Variants in ANK2 observed in about 807,000 individuals in gnomAD.
The protein encoded by ANK2 is ankyrin 2.
A neutral mutation model predicts 360.5 loss-of-function variants in ANK2; 83 were observed. The ratio of observed to expected loss-of-function variants is 0.23; its 90% confidence interval spans 0.19 to 0.28. The LOEUF is 0.28. Ranked by LOEUF, ANK2 falls within the 10% of genes least tolerant of loss-of-function variation. The probability of loss-of-function intolerance (pLI) is 1.00; values close to 1 mark genes in which losing one functional copy is unlikely to be tolerated. For missense variants in ANK2, 4,201 were observed against 4,795.7 expected, an observed-to-expected ratio of 0.88 and a Z score of 3.66; for synonymous variants, 1,740 against 1,759.5, an observed-to-expected ratio of 0.99 and a Z score of 0.28.
At chr4:112,720,062 G>A in the ANK2 span, among the ~76,000 whole-genome samples, 2 of 152,088 alleles carry the variant, frequency 1.3e-5, no homozygotes, top group Admixed American at 1.3e-4. Context: ...TCCTACCAGC[G>A]TTCTTTATCA....
chr4:113,263,824 T>A (rs554221145), intron 13 of ANK2, among the ~76,000 whole-genome samples: 2 of 152,374 alleles, frequency 1.3e-5, no homozygotes, highest in South Asian at 4.1e-4. Context: ...CTTGAGTGAA[T>A]GAAACCCTGC....
chr4:113,374,994 C>A, intron 45 of ANK2: 1 of 993,900 alleles, frequency 1.0e-6, no homozygotes, highest in Non-Finnish European at 1.2e-6. Context: ...TTTTATGTTG[C>A]TTTGCATTTG....
intron 23 of ANK2, 58 bp downstream of exon 23, chr4:113,302,897 T>C: frequency 2.1e-6 from 3 of 1,459,744 alleles, no homozygotes; most frequent in South Asian, 2.3e-5. Context: ...AAGGGCAAAT[T>C]ACCCTTTTTT....
intron 7 of ANK2, among the ~76,000 whole-genome samples, chr4:113,239,350 C>T (rs1262221841): frequency 6.6e-6 from 1 of 151,910 alleles, no homozygotes; most frequent in Admixed American, 6.6e-5. Flanking sequence ...TAAAACAAAG[C>T]CACCAAAGCC....
the ANK2 span, among the ~76,000 whole-genome samples, chr4:112,732,942 G>C: frequency 6.6e-6 from 1 of 151,980 alleles, no homozygotes; most frequent in Non-Finnish European, 1.5e-5. Context: ...AAAGGGGCCA[G>C]GCACGGTGGC....
At chr4:113,059,197 A>G (rs2071796022) in intron 1 of ANK2, among the ~76,000 whole-genome samples, 1 of 152,172 alleles carries the variant, frequency 6.6e-6, no homozygotes, top group Non-Finnish European at 1.5e-5. Context: ...GAAGACACAA[A>G]CATTCAGATT....
At chr4:113,161,628 G>T (rs942705404) in intron 1 of ANK2, among the ~76,000 whole-genome samples, 1 of 151,860 alleles carries the variant, frequency 6.6e-6, no homozygotes, top group Non-Finnish European at 1.5e-5. Flanking sequence ...ATAAGAAAAT[G>T]TCAGCTGCAT....
intron 4 of ANK2, chr4:113,213,899 A>C (rs1189279420): frequency 1.8e-6 from 1 of 563,656 alleles, no homozygotes; most frequent in Admixed American, 3.1e-5. Context: ...CAATGAAAAG[A>C]GAAAGAGAAC....
intron 1 of ANK2, among the ~76,000 whole-genome samples, chr4:112,879,422 G>A (rs1236849101): frequency 6.6e-6 from 1 of 152,136 alleles, no homozygotes; most frequent in East Asian, 1.9e-4. Flanking sequence ...CAGCCCATGT[G>A]AGTGGCCCAT....
intron 26 of ANK2, 144 bp downstream of exon 26, chr4:113,318,764 A>G (rs1563720882): frequency 1.4e-6 from 1 of 711,042 alleles, no homozygotes; most frequent in Non-Finnish European, 2.5e-6. Flanking sequence ...ACATTGCTTT[A>G]TCCAACATGG....
intron 9 of ANK2, among the ~76,000 whole-genome samples, chr4:113,247,931 C>A (rs1009588735): frequency 6.6e-6 from 1 of 152,168 alleles, no homozygotes; most frequent in Non-Finnish European, 1.5e-5. Flanking sequence ...CCACAGGGTG[C>A]TTTTATCAGG....
intron 1 of ANK2, among the ~76,000 whole-genome samples, chr4:113,147,950 G>A (rs1351997): frequency 0.69 from 104,343 of 151,994 alleles, 36,443 homozygotes; most frequent in African/African-American, 0.81. Context: ...GGAAAACTGC[G>A]TCATCTCATT....
chr4:113,116,353 G>A (rs1321290762), intron 1 of ANK2, among the ~76,000 whole-genome samples: 2 of 151,900 alleles, frequency 1.3e-5, no homozygotes, highest in African/African-American at 4.8e-5. Flanking sequence ...TGAGCTCCCC[G>A]CTCTTTCTCC....
the ANK2 span, among the ~76,000 whole-genome samples, chr4:112,785,773 A>G: frequency 3.3e-5 from 5 of 151,882 alleles, no homozygotes; most frequent in Non-Finnish European, 7.4e-5. Flanking sequence ...AGCTCCAGCA[A>G]TCCTCCTGTC....
intron 2 of ANK2, among the ~76,000 whole-genome samples, chr4:113,041,242 C>T (rs527887172): frequency 6.6e-5 from 10 of 152,048 alleles, no homozygotes; most frequent in South Asian, 2.1e-4. Context: ...GTCTAAATCC[C>T]GAATCCTTAA....
At chr4:113,175,838 A>G (rs1005720953) in intron 2 of ANK2, among the ~76,000 whole-genome samples, 14 of 152,146 alleles carry the variant, frequency 9.2e-5, no homozygotes, top group South Asian at 8.3e-4. Context: ...ACTGATGTCA[A>G]TATTTCTCAT....
chr4:113,048,260 ATATATATATATATATATTTTT>A, upstream of ANK2, among the ~76,000 whole-genome samples: 1 of 79,012 alleles, frequency 1.3e-5, no homozygotes, highest in Non-Finnish European at 2.1e-5. Flanking sequence ...ATATATATAT[ATATATATATATATATATTTTT>A]TTTTTTTTTT....
chr4:112,897,769 C>T (rs1187864914), intron 1 of ANK2, among the ~76,000 whole-genome samples: 3 of 152,126 alleles, frequency 2.0e-5, no homozygotes, highest in Non-Finnish European at 4.4e-5. Context: ...CAGCTAGCAG[C>T]GGCAGAATGC....
intron 17 of ANK2, among the ~76,000 whole-genome samples, chr4:113,281,349 G>A (rs2062250064): frequency 6.6e-6 from 1 of 151,900 alleles, no homozygotes. Flanking sequence ...ACCAGCCTGG[G>A]CAACATGGTG....
Sources: gnomAD v4.1 joint callset for allele counts (sites outside exome capture counted in the v4.1 genomes callset) on GRCh38, gnomAD v4.1.1 for gene constraint, MANE v1.5 for transcripts, NCBI Gene and HGNC (gene_info 2026-07-23, HGNC 2026-07-21) for gene names.